Variants in ZPBP observed in about 807,000 individuals in gnomAD.
ZPBP encodes zona pellucida binding protein.
Under a neutral mutation model 44.8 loss-of-function variants are expected in ZPBP, and 26 were observed. The ratio of observed to expected loss-of-function variants is 0.58; its 90% CI spans 0.43 to 0.81. ZPBP has a LOEUF of 0.81. Among genes scored for constraint, ZPBP ranks in the 30% least tolerant of loss-of-function variants. The pLI, the probability that ZPBP is intolerant of heterozygous loss-of-function variation, is 0.00. For synonymous variants in ZPBP, 174 were observed against 153.2 expected (o/e 1.14, Z -1.00); for missense variants, 409 against 434.0 (o/e 0.94, Z 0.51).
chr7:49,970,098 T>C (rs781611033), intron 7 of ZPBP, among the ~76,000 whole-genome samples: 1 of 152,166 alleles, frequency 6.6e-6, no homozygotes, highest in Non-Finnish European at 1.5e-5. Context: ...CGACCTCAAG[T>C]GATCCACCCA....
At chr7:49,939,907 G>T (rs75770808) in intron 7 of ZPBP, among the ~76,000 whole-genome samples, 6,788 of 152,148 alleles carry the variant, frequency 0.045, 151 homozygotes, top group Middle Eastern at 0.061. Flanking sequence ...CTCCAAGCTG[G>T]AGTATCTCCT....
chr7:50,051,470 G>A (rs533718002), intron 4 of ZPBP, among the ~76,000 whole-genome samples: 1 of 151,918 alleles, frequency 6.6e-6, no homozygotes, highest in Admixed American at 6.6e-5. Flanking sequence ...TCTGTTACGA[G>A]GATACATGCA....
chr7:50,057,650 G>A (rs1378343285), intron 4 of ZPBP, among the ~76,000 whole-genome samples: 1 of 152,090 alleles, frequency 6.6e-6, no homozygotes, highest in African/African-American at 2.4e-5. Context: ...CAGTGTACCA[G>A]AAATCATCAT....
Position 49,927,763 on chromosome 7 carries a change from C to T in ZPBP, n.411+7988G>A, listed in dbSNP as rs1029272971. ...CTACAAGGTAATGGAGAACGTGGTA[C>T]GACCAATGAATTACATGAGTATGAG... On this transcript the variant is annotated intron_variant and non_coding_transcript_variant, in intron 1 of 2. Coordinates refer to the ZPBP transcript ENST00000465922. Among the ~76,000 whole-genome samples, 4 of 152,140 alleles carry T rather than the reference C, an allele frequency of 2.6e-5. No homozygotes were observed. In the East Asian group the frequency reaches 7.7e-4, roughly 29 times the overall value.
intron 2 of ZPBP, among the ~76,000 whole-genome samples, chr7:49,885,826 A>C (rs779353186): frequency 6.6e-6 from 1 of 152,240 alleles, no homozygotes; most frequent in African/African-American, 2.4e-5. Flanking sequence ...TGGAGCTGAG[A>C]AGCAGCAGCT....
intron 5 of ZPBP, among the ~76,000 whole-genome samples, chr7:50,026,265 G>A (rs1158339349): frequency 4.5e-5 from 5 of 110,504 alleles, no homozygotes; most frequent in African/African-American, 1.7e-4. Flanking sequence ...TAACTATATA[G>A]GCCTCTAACA....
intron 7 of ZPBP, among the ~76,000 whole-genome samples, chr7:49,979,996 TTATATATTA>T (rs1205941872): frequency 1.4e-4 from 14 of 101,400 alleles, no homozygotes; most frequent in Middle Eastern, 0.013. Context: ...TAATTTTATA[TTATATATTA>T]TATATATTAT....
chr7:50,021,000 C>T (rs1799068004), intron 5 of ZPBP, among the ~76,000 whole-genome samples: 1 of 151,906 alleles, frequency 6.6e-6, no homozygotes, highest in Non-Finnish European at 1.5e-5. Flanking sequence ...AATTATGAAA[C>T]AAACAACTAC....
At chr7:50,007,185 G>A (rs924650271) in intron 6 of ZPBP, among the ~76,000 whole-genome samples, 2 of 151,818 alleles carry the variant, frequency 1.3e-5, no homozygotes, top group Non-Finnish European at 2.9e-5. Context: ...CCAGAACTGT[G>A]AGAAATAAAT....
chr7:49,977,767 A>G (rs1343621999), intron 7 of ZPBP, among the ~76,000 whole-genome samples: 1 of 152,226 alleles, frequency 6.6e-6, no homozygotes, highest in Non-Finnish European at 1.5e-5. Context: ...CTACCTCAGC[A>G]GAAGCACGGG....
At chr7:50,043,419 A>G (rs142270459) in intron 4 of ZPBP, among the ~76,000 whole-genome samples, 129 of 152,160 alleles carry the variant, frequency 8.5e-4, no homozygotes, top group Non-Finnish European at 1.6e-3. Flanking sequence ...GGTGTGCTGT[A>G]TTCAGGAGAT....
chr7:49,941,820 AAAAC>A (rs1363627293), intron 7 of ZPBP, among the ~76,000 whole-genome samples: 6 of 152,126 alleles, frequency 3.9e-5, no homozygotes, highest in African/African-American at 1.4e-4. Context: ...TTGAAAAAGA[AAAAC>A]AAAGTTGAAA....
intron 3 of ZPBP, among the ~76,000 whole-genome samples, chr7:50,072,558 C>A (rs757688881): frequency 5.3e-5 from 8 of 152,188 alleles, no homozygotes; most frequent in Admixed American, 2.0e-4. Context: ...AGGTCTGACC[C>A]AGTGTAGTCA....
At chr7:49,949,829 T>G (rs529983585) in intron 7 of ZPBP, among the ~76,000 whole-genome samples, 1 of 152,100 alleles carries the variant, frequency 6.6e-6, no homozygotes, top group Non-Finnish European at 1.5e-5. Flanking sequence ...AAAAGTGATA[T>G]ATACACATTC....
intron 4 of ZPBP, among the ~76,000 whole-genome samples, chr7:50,042,504 G>A (rs1800145436): frequency 6.6e-6 from 1 of 152,040 alleles, no homozygotes; most frequent in East Asian, 1.9e-4. Flanking sequence ...AGAGAGTGGG[G>A]GCCAATATTC....
At chr7:49,986,820 T>C (rs902188354) in intron 6 of ZPBP, among the ~76,000 whole-genome samples, 8 of 152,200 alleles carry the variant, frequency 5.3e-5, no homozygotes, top group African/African-American at 1.9e-4. Context: ...GTGGTTCACA[T>C]GTCTTTACGG....
intron 2 of ZPBP, among the ~76,000 whole-genome samples, chr7:49,853,728 A>C (rs560857103): frequency 6.6e-6 from 1 of 151,608 alleles, no homozygotes; most frequent in South Asian, 2.1e-4. Flanking sequence ...TTATTTTTTT[A>C]TTATACTTTA....
At chr7:50,061,516 C>T (rs1801233898) in intron 3 of ZPBP, among the ~76,000 whole-genome samples, 1 of 152,136 alleles carries the variant, frequency 6.6e-6, no homozygotes, top group African/African-American at 2.4e-5. Flanking sequence ...GCCTAGCCAA[C>T]ATAGTGAAAC....
intron 4 of ZPBP, among the ~76,000 whole-genome samples, chr7:50,056,956 T>C (rs1800964928): frequency 1.3e-5 from 2 of 151,828 alleles, no homozygotes; most frequent in South Asian, 4.2e-4. Context: ...GAGGCCAAGG[T>C]GGGCAGATCA....
Sources: allele counts gnomAD v4.1 joint callset (sites outside exome capture counted in the v4.1 genomes callset), GRCh38; gene constraint gnomAD v4.1.1; transcripts MANE v1.5; gene names NCBI Gene and HGNC (gene_info 2026-07-23, HGNC 2026-07-21).